ZNF341: variants seen among roughly 807,000 people sequenced by gnomAD.
The protein encoded by ZNF341 is zinc finger protein 341.
A neutral mutation model predicts 87.7 loss-of-function variants in ZNF341; 52 were observed. The ratio of observed to expected loss-of-function variants is 0.59; its 90% confidence interval spans 0.47 to 0.75. ZNF341 has a LOEUF of 0.75. Among genes scored for constraint, ZNF341 ranks in the 30% least tolerant of loss-of-function variants. The probability of loss-of-function intolerance (pLI) is 0.00; values close to 1 mark genes in which losing one functional copy is unlikely to be tolerated. For missense variants in ZNF341, 977 were observed against 1,145.9 expected (o/e 0.85, Z 2.13); for synonymous variants, 459 against 472.7 (o/e 0.97, Z 0.38).
chr20:33,778,700 C>T (rs2019675939), intron 10 of ZNF341, among the ~76,000 whole-genome samples: 1 of 152,130 alleles, frequency 6.6e-6, no homozygotes, highest in South Asian at 2.1e-4. Context: ...GTGCAGCCTG[C>T]CTGGGGTTTC....
At position 33,770,115 on chromosome 20, in the gene ZNF341, A is replaced by C; in HGVS notation, c.1445A>C (p.Gln482Pro). The C allele has an allele frequency of 3.1e-6, 5 of 1,613,940 alleles. No homozygotes were observed. The highest frequency in any genetic ancestry group is 4.2e-6 in the Non-Finnish European group (5 of 1,179,904). Residue 482 changes from glutamine to proline, a missense_variant, in exon 10 of 15, where the codon CAG (glutamine) becomes CCG (proline). By Grantham distance (76) the Gln-to-Pro change is moderately conservative. Coordinates refer to ENST00000375200, the MANE Select transcript of ZNF341 (RefSeq NM_001282933.2). The stretch of plus-strand genomic sequence containing the variant: ...AAGTGTGTGGTCAAAAGCTGTGCCC[A>C]GACGTTCCCAAAGCTCGACACATTT... ...VYKCVVKSCA[Q>P]TFPKLDTFLE...
At position 33,784,267 on chromosome 20, in the gene ZNF341, C is replaced by G. The variant is rs868487849; in HGVS notation, c.1852+403C>G. Among the ~76,000 whole-genome samples the G allele has an allele frequency of 1.4e-3, 33 of 22,912 alleles. 1 individual carries two copies. The highest frequency in any genetic ancestry group is 6.5e-3 in the African/African-American group (27 of 4,146). 15.0% of individuals were successfully genotyped at this position (22,912 alleles called of 152,430 possible). On this transcript the variant is annotated intron_variant, in intron 12 of 14. Transcript: ENST00000375200. ...CCTCCCTCTCTCCATCTCTCTCCCCCCCATCTCCCTCACCCTCCCCATCTC... is the reference window on the plus strand; with the variant it reads ...CCTCCCTCTCTCCATCTCTCTCCCCGCCATCTCCCTCACCCTCCCCATCTC...
At chr20:33,750,354 A>T (rs540522387) in intron 4 of ZNF341, among the ~76,000 whole-genome samples, 1 of 152,172 alleles carries the variant, frequency 6.6e-6, no homozygotes, top group Non-Finnish European at 1.5e-5. Flanking sequence ...TTCCTGCCAT[A>T]TAGAAATCCT....
At chr20:33,740,143 C>T (rs760488720) in intron 1 of ZNF341, among the ~76,000 whole-genome samples, 5 of 152,170 alleles carry the variant, frequency 3.3e-5, no homozygotes, top group African/African-American at 1.2e-4. Context: ...GGATTACAGG[C>T]GTGAGCCACT....
chr20:33,743,784 A>C (rs1026198990), intron 2 of ZNF341, among the ~76,000 whole-genome samples: 2 of 152,260 alleles, frequency 1.3e-5, no homozygotes, highest in Non-Finnish European at 1.5e-5. Flanking sequence ...GATGGTGTTA[A>C]CTGTAGTTAA....
intron 2 of ZNF341, among the ~76,000 whole-genome samples, 178 bp from the exon 3 acceptor site, chr20:33,744,925 A>G (rs1601237900): frequency 6.6e-6 from 1 of 152,150 alleles, no homozygotes; most frequent in South Asian, 2.1e-4. Flanking sequence ...CAGGAAGCAC[A>G]TAGTTGATGG....
chr20:33,767,853 A>G (rs6059458), intron 9 of ZNF341, among the ~76,000 whole-genome samples: 18,070 of 152,194 alleles, frequency 0.12, 3,621 homozygotes, highest in African/African-American at 0.41. Context: ...GAGCAGGTCA[A>G]ATATGTCACC....
In ZNF341 at chr20:33,781,238, C is replaced by CTT. The variant is rs1203507328; in HGVS notation, c.1623-52_1623-51dup. 57 of 1,460,722 alleles carry CTT rather than the reference C, an allele frequency of 3.9e-5. 1 individual carries two copies. The highest frequency in any genetic ancestry group is 5.1e-5 in the Non-Finnish European group (53 of 1,041,038). The allele number at this position is 1,460,722 out of a possible 1,614,324, so 90.5% of individuals were successfully genotyped here. ...TGGCCCTGGGGTGGCCGGGGCGCTG[C>CTT]TTCCTATGCCTGCTGTGTTTCCTCC... On this transcript the variant is annotated intron_variant, in intron 10 of 14. Coordinates refer to ENST00000375200, the MANE Select transcript of ZNF341 (RefSeq NM_001282933.2).
chr20:33,754,618 G>A (rs764948898), intron 5 of ZNF341, among the ~76,000 whole-genome samples: 9 of 152,214 alleles, frequency 5.9e-5, no homozygotes, highest in Admixed American at 1.3e-4. Context: ...GTGGGATGCT[G>A]AGATAATGCT....
intron 10 of ZNF341, among the ~76,000 whole-genome samples, chr20:33,778,253 AC>A (rs1423468540): frequency 1.1e-4 from 17 of 151,042 alleles, no homozygotes; most frequent in Middle Eastern, 3.4e-3. Context: ...CTCCCACCCC[AC>A]CTTCCCTTTC....
chr20:33,748,973 G>A lies in ZNF341; in HGVS notation c.390G>A (p.Val130=), dbSNP rs1166549771. The A allele has an allele frequency of 6.2e-7, 1 of 1,614,214 alleles. No homozygotes were observed. The highest frequency in any genetic ancestry group is 1.1e-5 in the South Asian group (1 of 91,076). The part of the protein sequence containing the change: ...VPPSPLIQTL[V]QGNILVSDDV... ...CGTCCCCACTGATCCAGACCCTGGTGCAGGGGAACATCTTGGTGAGCGATG... is the reference window on the plus strand; with the variant it reads ...CGTCCCCACTGATCCAGACCCTGGTACAGGGGAACATCTTGGTGAGCGATG... Residue 130 remains valine (V), a synonymous_variant, in exon 4 of 15, where the codon GTG becomes GTA. Coordinates refer to ENST00000375200, the MANE Select transcript of ZNF341 (RefSeq NM_001282933.2).
intron 8 of ZNF341, among the ~76,000 whole-genome samples, chr20:33,763,377 C>T (rs1051221262): frequency 2.6e-5 from 4 of 152,154 alleles, no homozygotes; most frequent in Admixed American, 6.6e-5. Context: ...CAGCTCACTG[C>T]AACCGCTGCC....
intron 12 of ZNF341, among the ~76,000 whole-genome samples, chr20:33,784,073 TC>T (rs1473909180): frequency 1.2e-5 from 1 of 82,398 alleles, no homozygotes; most frequent in Non-Finnish European, 2.3e-5. Context: ...CCTCCCCATC[TC>T]CCTCCTCCTC....
intron 1 of ZNF341, among the ~76,000 whole-genome samples, chr20:33,740,229 C>T (rs947812545): frequency 6.6e-6 from 1 of 152,034 alleles, no homozygotes; most frequent in African/African-American, 2.4e-5. Flanking sequence ...GATTGAGTTG[C>T]TACCACCATA....
At chr20:33,787,341 C>T (rs934122748) in intron 12 of ZNF341, 5 of 152,046 alleles carry the variant, frequency 3.3e-5, no homozygotes, top group Non-Finnish European at 5.9e-5. Context: ...AGCAGTATGT[C>T]CAGGAGATCT....
At chr20:33,738,763 G>T (rs2018744373) in intron 1 of ZNF341, among the ~76,000 whole-genome samples, 1 of 152,144 alleles carries the variant, frequency 6.6e-6, no homozygotes, top group South Asian at 2.1e-4. Flanking sequence ...TTTGCAGGAG[G>T]GCACTCTGGA....
chr20:33,740,456 T>C (rs2018775425), intron 1 of ZNF341, among the ~76,000 whole-genome samples: 1 of 152,076 alleles, frequency 6.6e-6, no homozygotes, highest in African/African-American at 2.4e-5. Context: ...ACAATGGAAA[T>C]AGAAGAGAAT....
chr20:33,761,839 A>G (rs767675195), intron 7 of ZNF341, 23 bp from the exon 8 acceptor site: 36 of 1,467,618 alleles, frequency 2.5e-5, no homozygotes, highest in Non-Finnish European at 3.3e-5. Context: ...GCAGGAGGGC[A>G]CTGACAAGCT....
chr20:33,735,688 TAA>T (rs1467943443), intron 1 of ZNF341, among the ~76,000 whole-genome samples: 5 of 152,126 alleles, frequency 3.3e-5, no homozygotes, highest in African/African-American at 1.2e-4. Context: ...TGGGAAATGA[TAA>T]AGAGAGATCC....
Sources: allele counts gnomAD v4.1 joint callset (sites outside exome capture counted in the v4.1 genomes callset), GRCh38; gene constraint gnomAD v4.1.1; transcripts MANE v1.5; gene names NCBI Gene and HGNC (gene_info 2026-07-23, HGNC 2026-07-21).